TBX15: variants seen among roughly 807,000 people sequenced by gnomAD.
TBX15 encodes T-box transcription factor 15.
Under a neutral mutation model 53.9 loss-of-function variants are expected in TBX15, and 18 were observed. The observed-to-expected ratio is 0.33, with a 90% CI of 0.23 to 0.49. The LOEUF (loss-of-function observed/expected upper bound fraction) is 0.49, where lower values mean the gene tolerates loss of function less well. TBX15 is among the 20% of genes least tolerant of loss of function. The probability of loss-of-function intolerance (pLI) is 0.98; values close to 1 mark genes in which losing one functional copy is unlikely to be tolerated. For missense variants in TBX15, 692 were observed against 749.5 expected (o/e 0.92, Z 0.90); for synonymous variants, 295 against 278.0 (o/e 1.06, Z -0.61).
intron 1 of TBX15, among the ~76,000 whole-genome samples, chr1:118,939,898 A>G (rs1656112566): frequency 6.6e-6 from 1 of 151,886 alleles, no homozygotes; most frequent in African/African-American, 2.4e-5. Context: ...TTTTCACAGA[A>G]ACCTTTAAAG....
intron 7 of TBX15, among the ~76,000 whole-genome samples, chr1:118,894,390 G>A (rs539604903): frequency 9.9e-4 from 151 of 152,262 alleles, no homozygotes; most frequent in Middle Eastern, 3.4e-3. Flanking sequence ...AAGGTCTAGC[G>A]ACAATGTTAA....
rs144727230 is a variant in TBX15, at chr1:118,966,908, A to G, written c.205+20683T>C. Among the ~76,000 whole-genome samples, 80 of 152,378 alleles carry G rather than the reference A, an allele frequency of 5.3e-4. No individual in the cohort carries two copies. In the East Asian group the frequency reaches 6.0e-3, roughly 11 times the overall value. On this transcript the variant is annotated intron_variant, in intron 1 of 7. Transcript: ENST00000369429. Reference sequence around the variant, plus strand: ...TGATCTTTTTGGAGAAAAGCCAGTGATTTGACTAAATTTTCCAGCCAGCTG... The same window carrying G: ...TGATCTTTTTGGAGAAAAGCCAGTGGTTTGACTAAATTTTCCAGCCAGCTG...
At chr1:118,982,064 C>T (rs1467067595) in intron 1 of TBX15, among the ~76,000 whole-genome samples, 1 of 152,190 alleles carries the variant, frequency 6.6e-6, no homozygotes, top group African/African-American at 2.4e-5. Context: ...TATTGAACAA[C>T]TTTATCTTTT....
chr1:118,959,625 A>G (rs1656800650), intron 1 of TBX15, among the ~76,000 whole-genome samples: 1 of 152,220 alleles, frequency 6.6e-6, no homozygotes, highest in Admixed American at 6.5e-5. Context: ...CTAGCAAAAT[A>G]TAGAGCTTTG....
Position 118,987,760 on chromosome 1 carries a change from G to A in TBX15, c.36C>T (p.Ser12=). Residue 12 remains serine, a synonymous_variant, in exon 1 of 8, where the codon AGC becomes AGT. Coordinates refer to ENST00000369429, the MANE Select transcript of TBX15 (RefSeq NM_001330677.2). ...CAACGGAGAAGGCATGTGCTCGCGA[G>A]CTCAGGGCGACTGCAGATCTTCTCC... The part of the protein sequence containing the change: ...SERRRSAVAL[S]SRAHAFSVEA... The A allele has an allele frequency of 6.5e-7, 1 of 1,550,308 alleles. No individual in the cohort carries two copies. Among genetic ancestry groups the A allele is most frequent in the South Asian group, 1.2e-5 (1 of 84,066 alleles).
At chr1:118,910,523 A>G (rs896725298) in intron 6 of TBX15, among the ~76,000 whole-genome samples, 3 of 152,262 alleles carry the variant, frequency 2.0e-5, no homozygotes, top group South Asian at 2.1e-4. Context: ...TTCCCAGAAG[A>G]TTTGCAAATA....
At chr1:118,986,169 G>A (rs867209377) in intron 1 of TBX15, among the ~76,000 whole-genome samples, 3 of 152,130 alleles carry the variant, frequency 2.0e-5, no homozygotes, top group African/African-American at 7.2e-5. Flanking sequence ...CTGTATGAAG[G>A]CCCACGCGAG....
At chr1:118,923,807 C>A (rs892723950) in intron 4 of TBX15, among the ~76,000 whole-genome samples, 1 of 152,118 alleles carries the variant, frequency 6.6e-6, no homozygotes. Flanking sequence ...AGCAGGACAT[C>A]CTTATCATAG....
At chr1:118,912,836 A>G (rs1571168095) in intron 6 of TBX15, among the ~76,000 whole-genome samples, 1 of 152,350 alleles carries the variant, frequency 6.6e-6, no homozygotes, top group East Asian at 1.9e-4. Flanking sequence ...CATAAGCCTG[A>G]GTTCTACTAC....
At chr1:118,961,981 C>A (rs1363621770) in intron 1 of TBX15, among the ~76,000 whole-genome samples, 1 of 152,182 alleles carries the variant, frequency 6.6e-6, no homozygotes, top group African/African-American at 2.4e-5. Context: ...TACTGAAGAA[C>A]TTTTTAAGTT....
At chr1:118,893,436 GGAAGGAAGGAAA>G (rs1263756052) in intron 7 of TBX15, among the ~76,000 whole-genome samples, 4 of 132,740 alleles carry the variant, frequency 3.0e-5, no homozygotes, top group African/African-American at 1.2e-4. Flanking sequence ...ATGGAAGGAA[GGAAGGAAGGAAA>G]GAAGGAAGGA....
intron 2 of TBX15, among the ~76,000 whole-genome samples, chr1:118,926,940 G>A (rs372444131): frequency 1.3e-5 from 2 of 151,930 alleles, no homozygotes; most frequent in African/African-American, 4.8e-5. Flanking sequence ...TAGCCAGGCT[G>A]ATCTCGAACT....
At chr1:118,973,074 TG>T (rs1657287453) in intron 1 of TBX15, among the ~76,000 whole-genome samples, 1 of 152,210 alleles carries the variant, frequency 6.6e-6, no homozygotes, top group African/African-American at 2.4e-5. Flanking sequence ...TTAATTGACA[TG>T]ATGTATGTAC....
chr1:118,986,587 G>A (rs1657844424), intron 1 of TBX15, among the ~76,000 whole-genome samples: 1 of 150,188 alleles, frequency 6.7e-6, no homozygotes, highest in African/African-American at 2.4e-5. Flanking sequence ...AAGCTCCTGA[G>A]CCCCAGACCG....
chr1:118,909,817 G>A (rs12130422), intron 6 of TBX15, among the ~76,000 whole-genome samples: 20,283 of 152,152 alleles, frequency 0.13, 1,541 homozygotes, highest in Middle Eastern at 0.29. Flanking sequence ...TCCTGACCTC[G>A]TGATCCACCC....
chr1:118,892,707 C>T (rs1165934495), intron 7 of TBX15, among the ~76,000 whole-genome samples: 2 of 152,152 alleles, frequency 1.3e-5, no homozygotes, highest in African/African-American at 4.8e-5. Context: ...AAGTGTATCA[C>T]TTTAATTTAC....
At position 118,884,824 on chromosome 1, in the gene TBX15, G is replaced by T. The variant is rs868069252; in HGVS notation, c.1717C>A (p.Pro573Thr). Residue 573 changes from proline to threonine, a missense_variant, in exon 8 of 8, where the codon CCC becomes ACC. Pro to Thr is a conservative substitution (Grantham distance 38). This residue lies in a region of TBX15 where 375 missense variants were observed against 371.6 expected (regional missense o/e 1.01). Transcript: ENST00000369429. Reference protein sequence around the residue: ...EHSMHMISPSPNNQQATNTCD... With the variant: ...EHSMHMISPSTNNQQATNTCD... ...GTGTTGGTTGCCTGTTGGTTATTGG[G>T]TGAAGGGCTAATCATGTGCATGCTG... is the stretch of plus-strand genomic sequence containing the variant. 3 of 1,614,038 alleles carry T rather than the reference G, an allele frequency of 1.9e-6. No individual in the cohort carries two copies. Among genetic ancestry groups the T allele is most frequent in the African/African-American group, 2.7e-5 (2 of 74,932 alleles).
At chr1:118,970,757 CATTTGCTCAGTG>C (rs1359933813) in intron 1 of TBX15, among the ~76,000 whole-genome samples, 4 of 152,140 alleles carry the variant, frequency 2.6e-5, no homozygotes, top group Non-Finnish European at 5.9e-5. Context: ...CTCACCCCTC[CATTTGCTCAGTG>C]ATTACCCTGT....
At chr1:118,892,052 T>C (rs1191192340) in intron 7 of TBX15, among the ~76,000 whole-genome samples, 1 of 152,142 alleles carries the variant, frequency 6.6e-6, no homozygotes, top group African/African-American at 2.4e-5. Context: ...TATGAACCAC[T>C]TTGTCAAATG....
Sources: allele counts gnomAD v4.1 joint callset (sites outside exome capture counted in the v4.1 genomes callset), GRCh38; gene constraint gnomAD v4.1.1; regional missense constraint gnomAD v4.1.1; transcripts MANE v1.5; gene names NCBI Gene and HGNC (gene_info 2026-07-23, HGNC 2026-07-21).